MSI2: variants seen among roughly 807,000 people sequenced by gnomAD.
MSI2 encodes the protein RNA-binding protein Musashi homolog 2.
In MSI2, 17 loss-of-function variants were observed where a neutral mutation model predicts 45.6. That is an observed-to-expected ratio of 0.37 (90% CI 0.26 to 0.56). The LOEUF is 0.56. Among genes scored for constraint, MSI2 ranks in the 20% least tolerant of loss-of-function variants. MSI2 has a pLI of 0.77. For synonymous variants in MSI2, 156 were observed against 158.2 expected (o/e 0.99, Z 0.11); for missense variants, 293 against 444.2 (o/e 0.66, Z 3.06).
downstream of MSI2, chr17:57,685,651 T>G (rs1913859415): frequency 6.6e-6 from 1 of 152,256 alleles, no homozygotes; most frequent in South Asian, 2.1e-4. Flanking sequence ...CAGTCGAAGG[T>G]GCATTCCTTT....
In MSI2 at chr17:57,458,193, C is replaced by T. The variant is rs543199306; in HGVS notation, c.405+56722C>T. On this transcript the variant is annotated intron_variant, in intron 6 of 13. Coordinates refer to ENST00000284073, the MANE Select transcript of MSI2 (RefSeq NM_138962.4). ...TTGGCTCATTGCAAGCTCCGCCTCC[C>T]GGGATCACGCCATTCTCTTGCCTCA... Among the ~76,000 whole-genome samples the T allele has an allele frequency of 5.9e-5, 9 of 151,442 alleles. No homozygotes were observed. The South Asian group carries it at 6.3e-4, about 11-fold the overall frequency.
intron 6 of MSI2, among the ~76,000 whole-genome samples, chr17:57,457,842 A>G (rs1051341895): frequency 2.6e-5 from 4 of 152,170 alleles, no homozygotes; most frequent in African/African-American, 9.7e-5. Flanking sequence ...CCAGGAGTTC[A>G]AGAATGCAGT....
chr17:57,637,359 A>G (rs1909916255), intron 10 of MSI2, among the ~76,000 whole-genome samples: 1 of 152,186 alleles, frequency 6.6e-6, no homozygotes, highest in South Asian at 2.1e-4. Context: ...CGGCGTGGAA[A>G]ATCAGGAGTT....
chr17:57,615,726 C>G (rs572972215), intron 8 of MSI2, among the ~76,000 whole-genome samples: 34 of 152,360 alleles, frequency 2.2e-4, no homozygotes, highest in African/African-American at 8.2e-4. Flanking sequence ...ATATCTGCAG[C>G]TTACGTCCTT....
At chr17:57,487,197 C>T (rs2085772019) in intron 6 of MSI2, among the ~76,000 whole-genome samples, 1 of 152,138 alleles carries the variant, frequency 6.6e-6, no homozygotes, top group African/African-American at 2.4e-5. Context: ...CTCTGTGGGG[C>T]CAGCTCATGA....
intron 6 of MSI2, among the ~76,000 whole-genome samples, chr17:57,405,403 TGACCCCTG>T (rs1361365999): frequency 6.6e-6 from 1 of 152,214 alleles, no homozygotes; most frequent in Non-Finnish European, 1.5e-5. Context: ...CATAGTTTGC[TGACCCCTG>T]GACTGAATTA....
At chr17:57,643,213 G>T (rs1375691285) in intron 10 of MSI2, among the ~76,000 whole-genome samples, 1 of 152,204 alleles carries the variant, frequency 6.6e-6, no homozygotes, top group Non-Finnish European at 1.5e-5. Flanking sequence ...GTGGAATTCA[G>T]CTGTGGGCCT....
At chr17:57,647,258 G>A (rs1910731901) in intron 10 of MSI2, among the ~76,000 whole-genome samples, 3 of 112,904 alleles carry the variant, frequency 2.7e-5, no homozygotes, top group South Asian at 3.1e-4. Context: ...GTGAAATCTC[G>A]ACTCTACTAA....
intron 5 of MSI2, among the ~76,000 whole-genome samples, chr17:57,385,502 C>T (rs558545827): frequency 2.0e-5 from 3 of 152,120 alleles, no homozygotes; most frequent in Admixed American, 2.0e-4. Flanking sequence ...ATACAAAAAA[C>T]TAGTCAGGCA....
At chr17:57,559,767 G>T (rs2087528034) in intron 7 of MSI2, among the ~76,000 whole-genome samples, 1 of 152,256 alleles carries the variant, frequency 6.6e-6, no homozygotes, top group Non-Finnish European at 1.5e-5. Context: ...CTCAGAGACA[G>T]CCAGTGTCTG....
chr17:57,636,486 G>T (rs1026533788), intron 10 of MSI2, among the ~76,000 whole-genome samples: 10 of 152,124 alleles, frequency 6.6e-5, no homozygotes, highest in Non-Finnish European at 1.5e-4. Flanking sequence ...AGACCTCTGC[G>T]GTCAGTCCCC....
intron 9 of MSI2, among the ~76,000 whole-genome samples, chr17:57,617,288 T>A (rs1446701571): frequency 6.6e-6 from 1 of 152,342 alleles, no homozygotes; most frequent in African/African-American, 2.4e-5. Flanking sequence ...GTAATTTTTT[T>A]AAATTGGCCA....
intron 6 of MSI2, among the ~76,000 whole-genome samples, chr17:57,451,780 C>A (rs1364874836): frequency 6.6e-6 from 1 of 152,220 alleles, no homozygotes. Flanking sequence ...CCCTGACCAG[C>A]CTTCCTCCTC....
At chr17:57,590,955 G>C (rs1904774640) in intron 7 of MSI2, among the ~76,000 whole-genome samples, 1 of 152,210 alleles carries the variant, frequency 6.6e-6, no homozygotes, top group Non-Finnish European at 1.5e-5. Flanking sequence ...GAGATGAGCA[G>C]TGGATGTTCA....
At chr17:57,647,497 G>A (rs1421289118) in intron 10 of MSI2, among the ~76,000 whole-genome samples, 1 of 151,560 alleles carries the variant, frequency 6.6e-6, no homozygotes, top group Admixed American at 6.6e-5. Context: ...GGCCCCCTGT[G>A]TGCTTACTAC....
intron 7 of MSI2, among the ~76,000 whole-genome samples, chr17:57,541,000 A>C (rs4793553): frequency 0.79 from 119,586 of 152,006 alleles, 47,177 homozygotes; most frequent in African/African-American, 0.85. Context: ...CAACCCCCCT[A>C]AGCAAAATGA....
chr17:57,632,441 AG>A, intron 10 of MSI2: 2 of 1,066,118 alleles, frequency 1.9e-6, no homozygotes. Flanking sequence ...GTCTTCGAGA[AG>A]GGACAGTGGA....
intron 5 of MSI2, among the ~76,000 whole-genome samples, chr17:57,323,112 A>T (rs571649940): frequency 7.9e-5 from 12 of 152,190 alleles, no homozygotes; most frequent in African/African-American, 2.4e-4. Context: ...AAAGTTTGCA[A>T]AGGTCAGAAG....
chr17:57,689,122 A>C (rs2144781782), downstream of MSI2, among the ~76,000 whole-genome samples: 1 of 152,302 alleles, frequency 6.6e-6, no homozygotes, highest in South Asian at 2.1e-4. Context: ...AAAAAAGGGA[A>C]TACAAGAACG....
Sources: gnomAD v4.1 joint callset for allele counts (sites outside exome capture counted in the v4.1 genomes callset) on GRCh38, gnomAD v4.1.1 for gene constraint, MANE v1.5 for transcripts, NCBI Gene and HGNC (gene_info 2026-07-23, HGNC 2026-07-21) for gene names.